Variants in SBNO1 observed in about 807,000 individuals in gnomAD.
The protein encoded by SBNO1 is strawberry notch homolog 1.
In SBNO1, 23 loss-of-function variants were observed where a neutral mutation model predicts 173.6. That is an observed-to-expected ratio of 0.13 (90% CI 0.10 to 0.19). The LOEUF is 0.19. SBNO1 is among the 10% of genes least tolerant of loss of function. The pLI, the probability that SBNO1 is intolerant of heterozygous loss-of-function variation, is 1.00. For missense variants in SBNO1, 1,238 were observed against 1,671.2 expected (o/e 0.74, Z 4.52); for synonymous variants, 632 against 571.5 (o/e 1.11, Z -1.51).
chr12:123,297,415 A>AAAAAAAAAAAAAAAAAAAAAAAAAAAAC (rs2048643869), intron 31 of SBNO1, among the ~76,000 whole-genome samples: 1 of 144,512 alleles, frequency 6.9e-6, no homozygotes, highest in Non-Finnish European at 1.5e-5. Flanking sequence ...AAAAAAAAAA[A>AAAAAAAAAAAAAAAAAAAAAAAAAAAAC]AAAAAAATTC....
intron 24 of SBNO1, 35 bp from the exon 25 acceptor site, chr12:123,311,164 A>G: frequency 6.7e-7 from 1 of 1,486,580 alleles, no homozygotes; most frequent in South Asian, 1.1e-5. Flanking sequence ...CTCATAAATT[A>G]CAAGGGATGT....
At chr12:123,355,141 C>A (rs1270956374) in intron 1 of SBNO1, among the ~76,000 whole-genome samples, 9 of 152,044 alleles carry the variant, frequency 5.9e-5, no homozygotes, top group African/African-American at 2.2e-4. Flanking sequence ...CTGCCTCAGC[C>A]TCCCAGGTGG....
intron 24 of SBNO1, among the ~76,000 whole-genome samples, chr12:123,313,241 TA>T (rs1868827584): frequency 1.4e-5 from 2 of 146,816 alleles, no homozygotes; most frequent in African/African-American, 5.0e-5. Context: ...AATAAATAAA[TA>T]AATAAATAAA....
intron 7 of SBNO1, among the ~76,000 whole-genome samples, chr12:123,332,890 C>A (rs1017658538): frequency 1.3e-5 from 2 of 152,114 alleles, no homozygotes; most frequent in African/African-American, 2.4e-5. Flanking sequence ...TTTGGGAGGC[C>A]GAGATGGGTG....
Position 123,326,233 on chromosome 12 carries a change from C to T in SBNO1, c.1794G>A (p.Gln598=). The T allele has an allele frequency of 6.2e-7, 1 of 1,613,798 alleles. No homozygotes were observed. Among genetic ancestry groups the T allele is most frequent in the Non-Finnish European group, 8.5e-7 (1 of 1,179,780 alleles). Reference sequence around the variant, plus strand: ...CTATGCATAAGTATTTGAAGAACCTCTGGTGAGCAGACCAGAACTGACCCC... The same window carrying T: ...CTATGCATAAGTATTTGAAGAACCTTTGGTGAGCAGACCAGAACTGACCCC... ...SMWGQFWSAH[Q]RFFKYLCIAS... is the part of the protein sequence containing the mutation. Residue 598 remains glutamine, a synonymous_variant, in exon 14 of 32, where the codon CAG becomes CAA. Coordinates refer to ENST00000602398, the MANE Select transcript of SBNO1 (RefSeq NM_001167856.3).
intron 2 of SBNO1, 68 bp from the exon 3 acceptor site, chr12:123,348,201 T>G (rs866721050): frequency 1.3e-6 from 1 of 767,704 alleles, no homozygotes; most frequent in Non-Finnish European, 2.2e-6. Flanking sequence ...AGGACAAGGT[T>G]TGCATTTATT....
In SBNO1 at chr12:123,350,426, G is replaced by A. The variant is rs1873738331; in HGVS notation, c.16C>T (p.Gln6Ter). ...CTCAAAGCAGCAAGCAGTAAATCTT[G>A]CCCTGGCTCCACCATCTTTAAAGGG... MVEPG[Q>*]DLLLAALSES... The change falls in exon 2 of 32, where the codon CAA (glutamine) becomes TAA (stop). Residue 6 changes from glutamine to a stop codon, truncating the protein, a stop_gained. Transcript: ENST00000602398. LOFTEE classifies it high-confidence loss of function. 1 of 1,613,540 alleles carries A rather than the reference G, an allele frequency of 6.2e-7. No homozygotes were observed.
Position 123,294,578 on chromosome 12 carries a change from C to T in SBNO1, c.*1330G>A, listed in dbSNP as rs1396202312. 1.6e-5 allele frequency: 2 copies of T among 123,234 alleles called. No individual in the cohort carries two copies. Among genetic ancestry groups the T allele is most frequent in the Non-Finnish European group, 3.1e-5 (2 of 64,998 alleles). The allele number at this position is 123,234 out of a possible 1,614,324, so 7.6% of individuals were successfully genotyped here. ...ACATCTACAAGATTTTGGCATCTTG[C>T]AGCTTTTTACCAGGTTTATACAATC... On this transcript the variant is annotated 3_prime_UTR_variant, in exon 32 of 32. Coordinates refer to ENST00000602398, the MANE Select transcript of SBNO1 (RefSeq NM_001167856.3).
chr12:123,301,369 C>T (rs777524778), intron 30 of SBNO1, among the ~76,000 whole-genome samples: 9 of 152,134 alleles, frequency 5.9e-5, no homozygotes, highest in East Asian at 1.9e-4. Context: ...AATTTACTCT[C>T]ATAATGAAAA....
At chr12:123,314,749 A>G (rs1869069094) in intron 23 of SBNO1, among the ~76,000 whole-genome samples, 1 of 151,390 alleles carries the variant, frequency 6.6e-6, no homozygotes, top group African/African-American at 2.4e-5. Flanking sequence ...GGGACTACAG[A>G]TGCATGCCAC....
rs1400755239 is a variant in SBNO1 at position 123,358,457 on chromosome 12, G to C, written c.-1+6244C>G. On this transcript the variant is annotated intron_variant, in intron 1 of 31. Coordinates refer to ENST00000602398, the MANE Select transcript of SBNO1 (RefSeq NM_001167856.3). ...GTCACAATTTATAAACCAAGGCTTAGAAAAATGAAATACGGGCCAGGCGCG... is the reference window on the plus strand; with the variant it reads ...GTCACAATTTATAAACCAAGGCTTACAAAAATGAAATACGGGCCAGGCGCG... Among the ~76,000 whole-genome samples, 83 of 152,236 alleles carry C rather than the reference G, an allele frequency of 5.5e-4. 1 individual carries two copies. Among genetic ancestry groups the C allele is most frequent in the Admixed American group, 5.3e-3 (81 of 15,282 alleles).
In SBNO1 at chr12:123,291,856, T is replaced by C. The variant is rs1593309629; in HGVS notation, c.*4052A>G. On this transcript the variant is annotated 3_prime_UTR_variant, in exon 32 of 32. Transcript: ENST00000602398. ...CAACATTTCTCTATATATACATTTA[T>C]GTACATATATATAAATACAGCACAA... 2 of 152,236 alleles carry C rather than the reference T, an allele frequency of 1.3e-5. No individual in the cohort carries two copies. Among genetic ancestry groups the C allele is most frequent in the Non-Finnish European group, 2.9e-5 (2 of 67,996 alleles). 9.4% of individuals were successfully genotyped at this position (152,236 alleles called of 1,614,324 possible).
chr12:123,307,310 C>T (rs1321565753), intron 28 of SBNO1, among the ~76,000 whole-genome samples: 1 of 151,914 alleles, frequency 6.6e-6, no homozygotes, highest in East Asian at 1.9e-4. Flanking sequence ...TCTAGCTTGG[C>T]ACTCCTAAAC....
chr12:123,348,778 T>C (rs1873526721), intron 2 of SBNO1, among the ~76,000 whole-genome samples: 2 of 150,628 alleles, frequency 1.3e-5, no homozygotes, highest in African/African-American at 4.9e-5. Context: ...AAAAAACAAA[T>C]AAATAAAACA....
At position 123,311,910 on chromosome 12, in the gene SBNO1, T is replaced by G. The variant is rs573930755; in HGVS notation, c.3221-781A>C. 8.6e-5 allele frequency among the ~76,000 whole-genome samples: 13 copies of G among 150,576 alleles called. 1 individual carries two copies. The South Asian group carries it at 2.5e-3, about 29-fold the overall frequency. ...ACCACCGTGCCTGGCTAATTTTTTT[T>G]TGTAATTTTTTTAGAGAGGGGGTTT... is the stretch of plus-strand genomic sequence containing the variant. On this transcript the variant is annotated intron_variant, in intron 24 of 31. Coordinates refer to ENST00000602398, the MANE Select transcript of SBNO1 (RefSeq NM_001167856.3).
chr12:123,314,464 G>A (rs1382444087), intron 23 of SBNO1, among the ~76,000 whole-genome samples: 1 of 151,724 alleles, frequency 6.6e-6, no homozygotes, highest in African/African-American at 2.4e-5. Context: ...CAAGTAGCTA[G>A]GACTACAGGC....
Position 123,336,461 on chromosome 12 carries a change from G to A in SBNO1, c.682C>T (p.Pro228Ser). The change falls in exon 6 of 32, where the codon CCA (proline) becomes TCA (serine). Residue 228 changes from proline (P) to serine (S), a missense_variant. Pro to Ser is a moderately conservative substitution (Grantham distance 74, BLOSUM62 -1). Around this residue, in one of 14 missense-constraint regions of SBNO1, gnomAD observed 287 missense variants for 274.1 expected, o/e 1.05. Coordinates refer to ENST00000602398, the MANE Select transcript of SBNO1 (RefSeq NM_001167856.3). ...KVPVVKEDDE[P>S]EEEDEEEMGH... ...ATTTCTTCTTCATCTTCTTCCTCTGGTTCATCATCTTCTTTTACAACAGGA... is the reference window on the plus strand; with the variant it reads ...ATTTCTTCTTCATCTTCTTCCTCTGATTCATCATCTTCTTTTACAACAGGA... 6.2e-7 allele frequency: 1 copy of A among 1,612,348 alleles called. No homozygotes were observed.
intron 1 of SBNO1, chr12:123,364,309 C>G: frequency 3.0e-6 from 3 of 985,690 alleles, no homozygotes; most frequent in Non-Finnish European, 3.6e-6. Flanking sequence ...CCCGCGGGTC[C>G]CGGACCCGCA....
Position 123,290,769 on chromosome 12 carries a change from G to T in SBNO1, c.*5139C>A, listed in dbSNP as rs190725567. 1 of 151,384 alleles carries T rather than the reference G, an allele frequency of 6.6e-6. No individual in the cohort carries two copies. Among genetic ancestry groups the T allele is most frequent in the Non-Finnish European group, 1.5e-5 (1 of 68,008 alleles). The allele number at this position is 151,384 out of a possible 1,614,324, so 9.4% of individuals were successfully genotyped here. On this transcript the variant is annotated 3_prime_UTR_variant, in exon 32 of 32. Coordinates refer to ENST00000602398, the MANE Select transcript of SBNO1 (RefSeq NM_001167856.3). ...TTTTTTTTTTTCGAGACGGAGTCTC[G>T]GTCTGTTGCCCAGGCTGGAGTGCAG...
Sources: allele counts gnomAD v4.1 joint callset (sites outside exome capture counted in the v4.1 genomes callset), GRCh38; gene constraint gnomAD v4.1.1; regional missense constraint gnomAD v4.1.1; transcripts MANE v1.5; gene names NCBI Gene and HGNC (gene_info 2026-07-23, HGNC 2026-07-21).